The following ARHGEF12 variants were observed in gnomAD, a reference collection of about 807,000 sequenced individuals.
ARHGEF12 encodes the protein KMT2A/ARHGEF12 fusion protein.
Under a neutral mutation model 211.2 loss-of-function variants are expected in ARHGEF12, and 66 were observed. The ratio of observed to expected loss-of-function variants is 0.31; its 90% CI spans 0.26 to 0.38. The LOEUF is 0.38. Ranked by LOEUF, ARHGEF12 falls within the 10% of genes least tolerant of loss-of-function variation. The probability of loss-of-function intolerance (pLI) is 1.00; values close to 1 mark genes in which losing one functional copy is unlikely to be tolerated. For missense variants in ARHGEF12, 1,429 were observed against 1,869.5 expected (o/e 0.76, Z 4.34); for synonymous variants, 592 against 638.4 (o/e 0.93, Z 1.09).
intron 6 of ARHGEF12, among the ~76,000 whole-genome samples, chr11:120,422,864 G>C (rs911137035): frequency 6.6e-6 from 1 of 152,136 alleles, no homozygotes. Context: ...AGAGAGACTA[G>C]AAATAGATTT....
At chr11:120,423,672 A>G (rs1945263851) in intron 6 of ARHGEF12, among the ~76,000 whole-genome samples, 2 of 152,146 alleles carry the variant, frequency 1.3e-5, no homozygotes, top group Non-Finnish European at 2.9e-5. Context: ...TGTATACTAG[A>G]AAAGTGTCTC....
intron 40 of ARHGEF12, 24 bp from the exon 41 acceptor site, chr11:120,485,043 T>G: frequency 6.2e-7 from 1 of 1,611,034 alleles, no homozygotes; most frequent in Non-Finnish European, 8.5e-7. Context: ...TAATATCATT[T>G]CCATGTATCT....
intron 1 of ARHGEF12, among the ~76,000 whole-genome samples, chr11:120,341,406 CA>C (rs1269119019): frequency 2.0e-5 from 3 of 146,876 alleles, no homozygotes; most frequent in African/African-American, 7.7e-5. Flanking sequence ...TTTGAGTTTT[CA>C]GTTTAAAAAA....
intron 33 of ARHGEF12, chr11:120,475,829 A>T (rs1947012318): frequency 5.2e-6 from 1 of 194,064 alleles, no homozygotes; most frequent in South Asian, 1.8e-4. Context: ...GTGAGAAAAA[A>T]ATCAAAAACC....
chr11:120,371,549 C>T (rs1827665844), intron 1 of ARHGEF12, among the ~76,000 whole-genome samples: 1 of 152,146 alleles, frequency 6.6e-6, no homozygotes, highest in Non-Finnish European at 1.5e-5. Context: ...TATTTTGACT[C>T]TTAAAGATTA....
chr11:120,401,937 G>C (rs1591546013), intron 1 of ARHGEF12, among the ~76,000 whole-genome samples: 1 of 152,076 alleles, frequency 6.6e-6, no homozygotes, highest in East Asian at 1.9e-4. Flanking sequence ...CCAACATTCA[G>C]ATTTTATTTT....
chr11:120,428,254 A>C lies in ARHGEF12; in HGVS notation c.585+7A>C. ...TAGTCCTGTGCTCATGGGGGTAAGAATGGGGAAATTTCTTAGTTAAATGCT... is the reference window on the plus strand; with the variant it reads ...TAGTCCTGTGCTCATGGGGGTAAGACTGGGGAAATTTCTTAGTTAAATGCT... On this transcript the variant is annotated splice_region_variant and intron_variant, in intron 8 of 40. Transcript: ENST00000397843. 1 of 1,555,108 alleles carries C rather than the reference A, an allele frequency of 6.4e-7. No individual in the cohort carries two copies. Among genetic ancestry groups the C allele is most frequent in the Non-Finnish European group, 8.7e-7 (1 of 1,149,516 alleles).
intron 21 of ARHGEF12, chr11:120,449,831 A>T (rs1946152651): frequency 6.9e-6 from 1 of 144,538 alleles, no homozygotes; most frequent in African/African-American, 2.5e-5. Flanking sequence ...GTGTTTGTTA[A>T]ATTAAAAAAA....
chr11:120,428,099 G>A lies in ARHGEF12; in HGVS notation c.437G>A (p.Gly146Glu). The part of the protein sequence containing the change: ...SGSYVALTVQ[G>E]RPPGSPQIPL... ...TCCTATGTAGCTCTCACTGTTCAGG[G>A]ACGCCCACCTGGGTCGCCCCAGATT... Residue 146 changes from glycine (G) to glutamate (E), a missense_variant, in exon 8 of 41, where the codon GGA (glycine) becomes GAA (glutamate). Physicochemically the swap from Gly to Glu is moderately conservative, Grantham distance 98 (BLOSUM62 -2). Coordinates refer to ENST00000397843, the MANE Select transcript of ARHGEF12 (RefSeq NM_015313.3). 1 of 1,606,996 alleles carries A rather than the reference G, an allele frequency of 6.2e-7. No homozygotes were observed. The highest frequency in any genetic ancestry group is 1.8e-4 in the Middle Eastern group (1 of 5,596).
intron 36 of ARHGEF12, 113 bp from the exon 37 acceptor site, chr11:120,478,043 T>A (rs1321886482): frequency 1.4e-6 from 1 of 713,372 alleles, no homozygotes; most frequent in Non-Finnish European, 2.3e-6. Flanking sequence ...TAACAGATGA[T>A]CTCTGTAGTT....
intron 1 of ARHGEF12, chr11:120,385,288 G>T: frequency 1.0e-6 from 1 of 985,086 alleles, no homozygotes; most frequent in Non-Finnish European, 1.2e-6. Context: ...AGAAGAGGTG[G>T]GGTTTCTTCT....
chr11:120,484,354 G>A, intron 39 of ARHGEF12, 84 bp from the exon 40 acceptor site: 1 of 1,237,314 alleles, frequency 8.1e-7, no homozygotes, highest in Non-Finnish European at 1.2e-6. Context: ...AATGTAAAAA[G>A]GGCTTCTTTT....
At chr11:120,482,779 C>G (rs1271100664) in intron 39 of ARHGEF12, among the ~76,000 whole-genome samples, 1 of 151,716 alleles carries the variant, frequency 6.6e-6, no homozygotes, top group Non-Finnish European at 1.5e-5. Context: ...TCAGAAAACA[C>G]AGCTTCCAGA....
Position 120,460,682 on chromosome 11 carries a change from T to C in ARHGEF12, c.2538T>C (p.Asn846=). 1 of 1,613,422 alleles carries C rather than the reference T, an allele frequency of 6.2e-7. No homozygotes were observed. The highest frequency in any genetic ancestry group is 1.1e-5 in the South Asian group (1 of 90,976). ...EDILQLHIGL[N]EQMKAVRKRN... Reference sequence around the variant, plus strand: ...TCTTTTTATCTTTAGTTGGATTGAATGAACAAATGAAGGCTGTTCGAAAGA... The same window carrying C: ...TCTTTTTATCTTTAGTTGGATTGAACGAACAAATGAAGGCTGTTCGAAAGA... The change falls in exon 27 of 41, where the codon AAT becomes AAC. Residue 846 remains asparagine (N), a synonymous_variant. Transcript: ENST00000397843.
chr11:120,470,192 T>A (rs1946828339), intron 30 of ARHGEF12, among the ~76,000 whole-genome samples: 1 of 152,212 alleles, frequency 6.6e-6, no homozygotes, highest in Non-Finnish European at 1.5e-5. Flanking sequence ...AATATAGTGT[T>A]CAGATTTTCA....
At chr11:120,467,395 G>T in intron 29 of ARHGEF12, 87 bp downstream of exon 29, 4 of 651,326 alleles carry the variant, frequency 6.1e-6, no homozygotes, top group Non-Finnish European at 1.0e-5. Context: ...ACAGCGTCCT[G>T]AATGGAGTTG....
chr11:120,415,743 A>G lies in ARHGEF12; in HGVS notation c.200-5010A>G, dbSNP rs138023796. On this transcript the variant is annotated intron_variant, in intron 4 of 40. Coordinates refer to ENST00000397843, the MANE Select transcript of ARHGEF12 (RefSeq NM_015313.3). ...GCTTCGTTTTCAGTTAATTATTACCACAGATCTAAATTTATGCAGACACCA... is the reference window on the plus strand; with the variant it reads ...GCTTCGTTTTCAGTTAATTATTACCGCAGATCTAAATTTATGCAGACACCA... 3.4e-3 allele frequency among the ~76,000 whole-genome samples: 515 copies of G among 152,320 alleles called. 2 individuals carry two copies. The highest frequency in any genetic ancestry group is 0.012 in the African/African-American group (482 of 41,576).
At chr11:120,359,367 G>A (rs1943217435) in intron 1 of ARHGEF12, among the ~76,000 whole-genome samples, 1 of 152,054 alleles carries the variant, frequency 6.6e-6, no homozygotes, top group African/African-American at 2.4e-5. Flanking sequence ...GGGACTACAG[G>A]CATGCCACCA....
intron 33 of ARHGEF12, 37 bp from the exon 34 acceptor site, chr11:120,476,624 T>C: frequency 6.5e-7 from 1 of 1,538,712 alleles, no homozygotes; most frequent in Non-Finnish European, 8.9e-7. Flanking sequence ...CCTCCCCAGG[T>C]CATAGTATTA....
Sources: gnomAD v4.1 joint callset for allele counts (sites outside exome capture counted in the v4.1 genomes callset) on GRCh38, gnomAD v4.1.1 for gene constraint, MANE v1.5 for transcripts, NCBI Gene and HGNC (gene_info 2026-07-23, HGNC 2026-07-21) for gene names.